SENP7: variants seen among roughly 807,000 people sequenced by gnomAD.
SENP7 encodes the protein SUMO specific peptidase 7.
In SENP7, 64 loss-of-function variants were observed where a neutral mutation model predicts 141.2. The observed-to-expected ratio is 0.45, with a 90% CI of 0.37 to 0.56. SENP7 has a LOEUF of 0.56. Among genes scored for constraint, SENP7 ranks in the 20% least tolerant of loss-of-function variants. The pLI, the probability that SENP7 is intolerant of heterozygous loss-of-function variation, is 0.00. For synonymous variants in SENP7, 382 were observed against 426.4 expected, an observed-to-expected ratio of 0.90 and a Z score of 1.28; for missense variants, 1,025 against 1,212.2, an observed-to-expected ratio of 0.85 and a Z score of 2.29.
chr3:101,388,862 T>C (rs1389663115), intron 6 of SENP7, among the ~76,000 whole-genome samples: 1 of 149,082 alleles, frequency 6.7e-6, no homozygotes, highest in Non-Finnish European at 1.5e-5. Flanking sequence ...AAACAAAAAA[T>C]ACAATCAAAA....
intron 16 of SENP7, among the ~76,000 whole-genome samples, chr3:101,339,261 A>C (rs2059267811): frequency 6.6e-6 from 1 of 152,170 alleles, no homozygotes; most frequent in African/African-American, 2.4e-5. Context: ...GATTATAATA[A>C]ATTTGGTTTG....
chr3:101,497,617 G>A (rs1487177799), intron 2 of SENP7, among the ~76,000 whole-genome samples: 1 of 152,060 alleles, frequency 6.6e-6, no homozygotes, highest in East Asian at 1.9e-4. Flanking sequence ...GACAGTAGTG[G>A]ATTATAACTC....
At chr3:101,370,854 T>C (rs2060159198) in intron 7 of SENP7, among the ~76,000 whole-genome samples, 1 of 152,208 alleles carries the variant, frequency 6.6e-6, no homozygotes, top group Non-Finnish European at 1.5e-5. Context: ...ATTACTGTAG[T>C]TTCATTTTAA....
At chr3:101,504,454 C>T (rs1321649783) in intron 1 of SENP7, among the ~76,000 whole-genome samples, 1 of 146,564 alleles carries the variant, frequency 6.8e-6, no homozygotes, top group Non-Finnish European at 1.5e-5. Flanking sequence ...GGCAAAATTC[C>T]ATCTCAAAAA....
At chr3:101,445,082 T>C (rs916980009) in intron 4 of SENP7, among the ~76,000 whole-genome samples, 2 of 151,998 alleles carry the variant, frequency 1.3e-5, no homozygotes, top group Non-Finnish European at 2.9e-5. Context: ...AATCTAAAAA[T>C]AGCAAGAGAA....
chr3:101,426,293 T>G (rs1202733510), intron 4 of SENP7, among the ~76,000 whole-genome samples: 1 of 151,986 alleles, frequency 6.6e-6, no homozygotes, highest in Non-Finnish European at 1.5e-5. Flanking sequence ...AGAAAAAATG[T>G]TACAGGCAGC....
At chr3:101,351,475 G>T in intron 12 of SENP7, 143 bp downstream of exon 12, 1 of 568,606 alleles carries the variant, frequency 1.8e-6, no homozygotes, top group Non-Finnish European at 2.7e-6. Flanking sequence ...ACGATTTTCA[G>T]AACAAGTCCA....
At chr3:101,381,989 T>G (rs770927159) in intron 6 of SENP7, among the ~76,000 whole-genome samples, 49 of 152,256 alleles carry the variant, frequency 3.2e-4, no homozygotes, top group Non-Finnish European at 4.3e-4. Flanking sequence ...TTAATAAAAA[T>G]GAAACCTCCT....
chr3:101,369,938 G>T (rs1358424357), intron 7 of SENP7, among the ~76,000 whole-genome samples: 4 of 152,132 alleles, frequency 2.6e-5, no homozygotes, highest in African/African-American at 7.2e-5. Context: ...AAGGTATTAT[G>T]TTGGTGAAAG....
At chr3:101,337,413 T>C in intron 17 of SENP7, 96 bp downstream of exon 17, 1 of 817,322 alleles carries the variant, frequency 1.2e-6, no homozygotes, top group Non-Finnish European at 1.8e-6. Context: ...TAGTACTGCC[T>C]ACTTGAGGAA....
chr3:101,348,182 A>G, intron 12 of SENP7, 131 bp from the exon 13 acceptor site: 1 of 568,418 alleles, frequency 1.8e-6, no homozygotes, highest in South Asian at 4.7e-5. Context: ...TTTCAAAAAT[A>G]TATTTCCAGT....
At chr3:101,418,939 T>G (rs866492622) in intron 4 of SENP7, among the ~76,000 whole-genome samples, 2 of 152,336 alleles carry the variant, frequency 1.3e-5, no homozygotes, top group South Asian at 4.1e-4. Flanking sequence ...GCTAGTATAA[T>G]CTGGAGTTTC....
At chr3:101,442,473 A>G (rs1365285822) in intron 4 of SENP7, among the ~76,000 whole-genome samples, 1 of 152,184 alleles carries the variant, frequency 6.6e-6, no homozygotes, top group Non-Finnish European at 1.5e-5. Flanking sequence ...CATATCTGAC[A>G]GGAGGCAGAG....
chr3:101,449,368 G>T (rs1275668541), intron 4 of SENP7, among the ~76,000 whole-genome samples: 5 of 152,032 alleles, frequency 3.3e-5, no homozygotes, highest in Admixed American at 2.0e-4. Flanking sequence ...GAAATACAGA[G>T]AACGCCACAA....
intron 8 of SENP7, among the ~76,000 whole-genome samples, chr3:101,367,191 C>G (rs1034398001): frequency 1.6e-4 from 25 of 151,930 alleles, no homozygotes. Flanking sequence ...GAAAATCAAC[C>G]ACTGCCTTCA....
intron 4 of SENP7, among the ~76,000 whole-genome samples, chr3:101,451,188 G>C (rs181650678): frequency 6.6e-6 from 1 of 152,250 alleles, no homozygotes; most frequent in Admixed American, 6.5e-5. Flanking sequence ...TCTCTGAATA[G>C]ACCAATAACA....
intron 4 of SENP7, among the ~76,000 whole-genome samples, chr3:101,430,425 T>G (rs2062120591): frequency 1.3e-5 from 2 of 152,220 alleles, no homozygotes; most frequent in African/African-American, 4.8e-5. Context: ...GGAGGGTATA[T>G]TTGTCCAGGA....
chr3:101,469,666 T>C (rs2063902944), intron 3 of SENP7, among the ~76,000 whole-genome samples: 1 of 106,646 alleles, frequency 9.4e-6, no homozygotes, highest in Non-Finnish European at 2.0e-5. Flanking sequence ...CTACTAAAAA[T>C]ACAAAAAATT....
intron 4 of SENP7, among the ~76,000 whole-genome samples, chr3:101,431,743 C>T (rs1345784080): frequency 1.3e-5 from 2 of 151,554 alleles, no homozygotes; most frequent in Non-Finnish European, 2.9e-5. Context: ...AAGATTGCGC[C>T]ATTGCACTCC....
Sources: gnomAD v4.1 joint callset for allele counts (sites outside exome capture counted in the v4.1 genomes callset) on GRCh38, gnomAD v4.1.1 for gene constraint, MANE v1.5 for transcripts, NCBI Gene and HGNC (gene_info 2026-07-23, HGNC 2026-07-21) for gene names.